Variants in ZPBP observed in about 807,000 individuals in gnomAD.
The protein encoded by ZPBP is zona pellucida binding protein.
In ZPBP, 26 loss-of-function variants were observed where a neutral mutation model predicts 44.8. The observed-to-expected ratio is 0.58, with a 90% CI of 0.43 to 0.81. ZPBP has a LOEUF of 0.81. Among genes scored for constraint, ZPBP ranks in the 30% least tolerant of loss-of-function variants. The pLI, the probability that ZPBP is intolerant of heterozygous loss-of-function variation, is 0.00. For synonymous variants in ZPBP, 174 were observed against 153.2 expected (o/e 1.14, Z -1.00); for missense variants, 409 against 434.0 (o/e 0.94, Z 0.51).
At chr7:49,872,915 C>CAAAA (rs61473396) in intron 2 of ZPBP, among the ~76,000 whole-genome samples, 499 of 33,650 alleles carry the variant, frequency 0.015, 48 homozygotes, top group Middle Eastern at 0.091. Context: ...GACTTTGTCT[C>CAAAA]AAAAAAAAAA....
At chr7:50,002,704 A>G (rs755797564) in intron 6 of ZPBP, among the ~76,000 whole-genome samples, 6 of 152,222 alleles carry the variant, frequency 3.9e-5, no homozygotes, top group Admixed American at 6.5e-5. Context: ...TAAAGGTCTT[A>G]TCTTAGAAGT....
At chr7:50,061,107 A>G (rs949250540) in intron 3 of ZPBP, among the ~76,000 whole-genome samples, 2 of 152,170 alleles carry the variant, frequency 1.3e-5, no homozygotes, top group African/African-American at 4.8e-5. Flanking sequence ...AATGAAATTC[A>G]ACCTCCCTTT....
intron 4 of ZPBP, among the ~76,000 whole-genome samples, chr7:50,039,730 T>C (rs1174661212): frequency 1.3e-5 from 2 of 152,092 alleles, no homozygotes; most frequent in Non-Finnish European, 2.9e-5. Flanking sequence ...CCTATAAATA[T>C]ATACTTCCTC....
chr7:49,851,644 G>T, intron 2 of ZPBP, among the ~76,000 whole-genome samples: 1 of 152,190 alleles, frequency 6.6e-6, no homozygotes, highest in East Asian at 1.9e-4. Context: ...TGGATCATGA[G>T]GTCAGGAGAT....
At chr7:50,017,611 A>G (rs1798871919) in intron 6 of ZPBP, among the ~76,000 whole-genome samples, 1 of 152,150 alleles carries the variant, frequency 6.6e-6, no homozygotes, top group Non-Finnish European at 1.5e-5. Flanking sequence ...TGTATACAAT[A>G]CTTATACCTT....
At chr7:50,036,486 A>G (rs1349954801) in intron 4 of ZPBP, among the ~76,000 whole-genome samples, 3 of 152,200 alleles carry the variant, frequency 2.0e-5, no homozygotes, top group South Asian at 2.1e-4. Context: ...GAAATAAAAA[A>G]TTGTCAGAAG....
Position 50,010,770 on chromosome 7 carries a change from T to A in ZPBP, c.783+7470A>T, listed in dbSNP as rs576697063. On this transcript the variant is annotated intron_variant, in intron 6 of 7. Transcript: ENST00000046087. ...AGAATCAATATTGTCAAAATGACCATCTTACCAAGGACAACCTATAAATTC... is the reference window on the plus strand; with the variant it reads ...AGAATCAATATTGTCAAAATGACCAACTTACCAAGGACAACCTATAAATTC... Among the ~76,000 whole-genome samples, 49 of 152,126 alleles carry A rather than the reference T, an allele frequency of 3.2e-4. 1 individual carries two copies. The South Asian group carries it at 0.01, about 32-fold the overall frequency.
At chr7:50,064,170 G>A (rs966220379) in intron 3 of ZPBP, among the ~76,000 whole-genome samples, 9 of 152,126 alleles carry the variant, frequency 5.9e-5, no homozygotes, top group South Asian at 2.1e-4. Flanking sequence ...GGTAGGATCC[G>A]TGATGCCCCA....
chr7:49,995,013 C>T (rs1797757390), intron 6 of ZPBP, among the ~76,000 whole-genome samples: 1 of 152,116 alleles, frequency 6.6e-6, no homozygotes, highest in Non-Finnish European at 1.5e-5. Context: ...TACCCTTCAC[C>T]CTATAAGTGT....
chr7:49,897,905 C>T (rs935995262), intron 2 of ZPBP, among the ~76,000 whole-genome samples: 2 of 152,158 alleles, frequency 1.3e-5, no homozygotes, highest in African/African-American at 4.8e-5. Context: ...GAGAAAAATT[C>T]GCTCACACTT....
chr7:49,925,169 T>C (rs1399126572), intron 1 of ZPBP, among the ~76,000 whole-genome samples: 1 of 152,166 alleles, frequency 6.6e-6, no homozygotes. Flanking sequence ...ATATGTTCTT[T>C]TGTGCAGGAT....
chr7:49,864,271 G>A (rs1326789372), intron 2 of ZPBP, among the ~76,000 whole-genome samples: 1 of 152,148 alleles, frequency 6.6e-6, no homozygotes, highest in Admixed American at 6.6e-5. Flanking sequence ...CAAAGAAGGA[G>A]GGAGGAGAAG....
intron 3 of ZPBP, among the ~76,000 whole-genome samples, chr7:50,063,185 G>A (rs1264784985): frequency 6.6e-6 from 1 of 152,156 alleles, no homozygotes; most frequent in Non-Finnish European, 1.5e-5. Context: ...AGGGAGGAGA[G>A]ATAAGGCTCA....
chr7:49,903,940 A>G (rs58925692), intron 1 of ZPBP, among the ~76,000 whole-genome samples: 2,195 of 152,270 alleles, frequency 0.014, 63 homozygotes, highest in African/African-American at 0.05. Context: ...TCTGGTTTAC[A>G]TAGGGCTCAC....
rs558376233 is a variant in ZPBP at position 49,994,096 on chromosome 7, C to T, written c.784-10577G>A. The stretch of plus-strand genomic sequence containing the variant: ...ACTGAATATCCAGCCAAACCACTGG[C>T]GACAGCCCAGAATTAATATATAATT... On this transcript the variant is annotated intron_variant, in intron 6 of 7. Coordinates refer to ENST00000046087, the MANE Select transcript of ZPBP (RefSeq NM_007009.3). 2.4e-4 allele frequency among the ~76,000 whole-genome samples: 36 copies of T among 152,292 alleles called. No individual in the cohort carries two copies. The South Asian group carries it at 5.6e-3, about 24-fold the overall frequency.
intron 3 of ZPBP, 75 bp downstream of exon 3, chr7:50,081,699 A>C: frequency 1.2e-5 from 19 of 1,533,698 alleles, no homozygotes; most frequent in Non-Finnish European, 1.7e-5. Flanking sequence ...TATGTATGAG[A>C]TACAAACATT....
intron 5 of ZPBP, among the ~76,000 whole-genome samples, chr7:50,026,225 G>T (rs4917004): frequency 6.6e-6 from 1 of 151,424 alleles, no homozygotes; most frequent in African/African-American, 2.4e-5. Context: ...TGATAAAAGG[G>T]CCAATCTATT....
intron 1 of ZPBP, among the ~76,000 whole-genome samples, chr7:49,925,993 C>G (rs966971486): frequency 1.3e-5 from 2 of 152,220 alleles, no homozygotes; most frequent in Non-Finnish European, 2.9e-5. Context: ...GCCCTCAGGA[C>G]CTGCTTGGAC....
intron 4 of ZPBP, among the ~76,000 whole-genome samples, chr7:50,040,063 C>T (rs904013940): frequency 3.9e-5 from 6 of 151,928 alleles, no homozygotes; most frequent in African/African-American, 1.5e-4. Context: ...AGAATTAATG[C>T]AGAATAGAAG....
Sources: allele counts gnomAD v4.1 joint callset (sites outside exome capture counted in the v4.1 genomes callset), GRCh38; gene constraint gnomAD v4.1.1; transcripts MANE v1.5; gene names NCBI Gene and HGNC (gene_info 2026-07-23, HGNC 2026-07-21).